The following TRAK1 variants were observed in gnomAD, a reference collection of about 807,000 sequenced individuals.
TRAK1 encodes trafficking kinesin-binding protein 1.
In TRAK1, 33 loss-of-function variants were observed where a neutral mutation model predicts 92.1. That is an observed-to-expected ratio of 0.36 (90% CI 0.27 to 0.48). The LOEUF is 0.48. Ranked by LOEUF, TRAK1 falls within the 20% of genes least tolerant of loss-of-function variation. The pLI is 0.99. For synonymous variants in TRAK1, 521 were observed against 517.3 expected, an observed-to-expected ratio of 1.01 and a Z score of -0.10; for missense variants, 1,123 against 1,257.9, an observed-to-expected ratio of 0.89 and a Z score of 1.62.
intron 2 of TRAK1, among the ~76,000 whole-genome samples, chr3:42,165,019 T>A (rs768072612): frequency 6.6e-6 from 1 of 152,194 alleles, no homozygotes; most frequent in Non-Finnish European, 1.5e-5. Flanking sequence ...AGCCTGACTT[T>A]GTAATTTCTT....
At position 42,170,892 on chromosome 3, in the gene TRAK1, C is replaced by T. The variant is rs990198550; in HGVS notation, c.287-5922C>T. Among the ~76,000 whole-genome samples the T allele has an allele frequency of 2.0e-5, 3 of 150,300 alleles. No individual in the cohort carries two copies. In the South Asian group the frequency reaches 6.3e-4, roughly 32 times the overall value. On this transcript the variant is annotated intron_variant, in intron 2 of 15. Transcript: ENST00000327628. ...AGGCTGGAGTGCAGTGGCATGATCT[C>T]GGCTTACTGCAAGCTCCGCCTCCTG... is the stretch of plus-strand genomic sequence containing the variant.
At chr3:42,201,857 CGG>C (rs1707614842) in intron 12 of TRAK1, among the ~76,000 whole-genome samples, 2 of 14,926 alleles carry the variant, frequency 1.3e-4, no homozygotes, top group South Asian at 2.0e-3. Context: ...AGAACCTGGA[CGG>C]ACGGACGGAC....
chr3:42,070,915 A>G (rs968956863), intron 1 of TRAK1, among the ~76,000 whole-genome samples: 8 of 152,222 alleles, frequency 5.3e-5, no homozygotes, highest in East Asian at 1.9e-4. Flanking sequence ...CTATTGTAAT[A>G]AACAGCCTTG....
chr3:42,086,559 C>T (rs771620797), upstream of TRAK1, among the ~76,000 whole-genome samples: 1 of 151,848 alleles, frequency 6.6e-6, no homozygotes, highest in Non-Finnish European at 1.5e-5. Flanking sequence ...TCAAATGAGC[C>T]GCCCACCTCG....
At chr3:42,078,774 A>G (rs1387354156) in intron 1 of TRAK1, among the ~76,000 whole-genome samples, 4 of 147,152 alleles carry the variant, frequency 2.7e-5, no homozygotes, top group East Asian at 4.0e-4. Context: ...AAAAAAAAAG[A>G]AAGAAAGAAA....
intron 1 of TRAK1, among the ~76,000 whole-genome samples, chr3:42,078,761 A>C (rs1576258445): frequency 1.3e-5 from 2 of 151,382 alleles, no homozygotes. Flanking sequence ...TCAAAAAAAA[A>C]AAAAAAAAAA....
At chr3:42,117,664 G>A (rs866299080) in intron 1 of TRAK1, among the ~76,000 whole-genome samples, 3 of 152,074 alleles carry the variant, frequency 2.0e-5, no homozygotes, top group Admixed American at 6.5e-5. Flanking sequence ...AAGCTCCAGC[G>A]TGCAGGCACG....
chr3:42,193,733 ATG>A, intron 8 of TRAK1, 89 bp from the exon 9 acceptor site: 1 of 1,265,982 alleles, frequency 7.9e-7, no homozygotes, highest in South Asian at 1.2e-5. Context: ...GTAGAAAGTG[ATG>A]AGTTCATTAC....
intron 15 of TRAK1, chr3:42,220,411 G>GT: frequency 1.1e-6 from 1 of 895,560 alleles, no homozygotes; most frequent in Non-Finnish European, 1.3e-6. Context: ...CCTCTGTGGT[G>GT]TAAGATGCTG....
intron 1 of TRAK1, among the ~76,000 whole-genome samples, chr3:42,048,133 T>C (rs1239751975): frequency 2.6e-5 from 4 of 152,178 alleles, no homozygotes; most frequent in Non-Finnish European, 1.5e-5. Flanking sequence ...TTTTGCCTGT[T>C]CTTAAGAACT....
At chr3:42,065,906 A>G (rs1327141391) in intron 1 of TRAK1, among the ~76,000 whole-genome samples, 1 of 152,152 alleles carries the variant, frequency 6.6e-6, no homozygotes, top group African/African-American at 2.4e-5. Context: ...CTGGGATTAT[A>G]GGCTTGAGCC....
At chr3:42,148,225 G>A (rs1325034522) in intron 2 of TRAK1, among the ~76,000 whole-genome samples, 1 of 152,184 alleles carries the variant, frequency 6.6e-6, no homozygotes, top group Non-Finnish European at 1.5e-5. Flanking sequence ...TCTTGGGGGT[G>A]GAGGGTAGTG....
At chr3:42,103,760 A>G (rs1172926750) in intron 1 of TRAK1, among the ~76,000 whole-genome samples, 1 of 152,200 alleles carries the variant, frequency 6.6e-6, no homozygotes, top group East Asian at 1.9e-4. Flanking sequence ...TGCAGCTCCC[A>G]GCGTGAGTGA....
intron 7 of TRAK1, among the ~76,000 whole-genome samples, chr3:42,192,377 C>T (rs1425011003): frequency 6.6e-6 from 1 of 152,092 alleles, no homozygotes; most frequent in African/African-American, 2.4e-5. Context: ...CAAGTTAAGA[C>T]CAAAGGTCAA....
intron 4 of TRAK1, 136 bp from the exon 5 acceptor site, chr3:42,187,909 C>A: frequency 1.4e-6 from 1 of 725,282 alleles, no homozygotes; most frequent in Non-Finnish European, 2.4e-6. Flanking sequence ...AGCACAAAAT[C>A]AGTTTAAATG....
chr3:42,188,241 C>CTGACCTCCATTGCTGCTG, intron 5 of TRAK1, 96 bp downstream of exon 5: 1 of 1,098,618 alleles, frequency 9.1e-7, no homozygotes, highest in Non-Finnish European at 1.4e-6. Context: ...CCTTCAGCAG[C>CTGACCTCCATTGCTGCTG]AATGGAGGTC....
intron 1 of TRAK1, among the ~76,000 whole-genome samples, chr3:42,043,593 T>A (rs1355642521): frequency 6.6e-6 from 1 of 150,870 alleles, no homozygotes; most frequent in East Asian, 1.9e-4. Context: ...CCAGACCCTG[T>A]GTCTTGTTTT....
intron 1 of TRAK1, among the ~76,000 whole-genome samples, chr3:42,099,269 C>T (rs1201720858): frequency 2.6e-5 from 4 of 151,824 alleles, no homozygotes; most frequent in East Asian, 3.9e-4. Context: ...GATGGGTGGA[C>T]GAGTGGGCAT....
intron 1 of TRAK1, among the ~76,000 whole-genome samples, chr3:42,101,796 T>C (rs893859546): frequency 6.6e-6 from 1 of 152,156 alleles, no homozygotes; most frequent in South Asian, 2.1e-4. Context: ...ATGACCTCTG[T>C]CATGACACCA....
Sources: gnomAD v4.1 joint callset for allele counts (sites outside exome capture counted in the v4.1 genomes callset) on GRCh38, gnomAD v4.1.1 for gene constraint, MANE v1.5 for transcripts, NCBI Gene and HGNC (gene_info 2026-07-23, HGNC 2026-07-21) for gene names.